The following ZNF274 variants were observed in gnomAD, a reference collection of about 807,000 sequenced individuals.
ZNF274 encodes neurotrophin receptor-interacting factor homolog.
In ZNF274, 23 loss-of-function variants were observed where a neutral mutation model predicts 42.5. That is an observed-to-expected ratio of 0.54 (90% CI 0.39 to 0.77). The LOEUF (loss-of-function observed/expected upper bound fraction) is 0.77. Among genes scored for constraint, ZNF274 ranks in the 30% least tolerant of loss-of-function variants. ZNF274 has a pLI of 0.00. For synonymous variants in ZNF274, 292 were observed against 305.4 expected, an observed-to-expected ratio of 0.96 and a Z score of 0.46; for missense variants, 679 against 806.5, an observed-to-expected ratio of 0.84 and a Z score of 1.91.
rs1224175660 is a variant in ZNF274, at chr19:58,212,399, G to C, written c.1218G>C (p.Gln406His). 1 of 1,613,094 alleles carries C rather than the reference G, an allele frequency of 6.2e-7. No individual in the cohort carries two copies. The highest frequency in any genetic ancestry group is 8.5e-7 in the Non-Finnish European group (1 of 1,179,468). Reference sequence around the variant, plus strand: ...AGCACTTTGACAACCGTGAGTCCCAGGCAAACAGTGGTGCTCTTGACACAA... The same window carrying C: ...AGCACTTTGACAACCGTGAGTCCCACGCAAACAGTGGTGCTCTTGACACAA... ...QKKHFDNRESQANSGALDTNQ... is the reference protein window; with the variant it reads ...QKKHFDNRESHANSGALDTNQ... Residue 406 changes from glutamine (Q) to histidine (H), a missense_variant, in exon 8 of 8, where the codon CAG (glutamine) becomes CAC (histidine). Gln to His is a conservative substitution (Grantham distance 24). Coordinates refer to ENST00000617501, the MANE Select transcript of ZNF274 (RefSeq NM_133502.3). This position sits in a 1 kb window ranked among gnomAD's most constrained non-coding sequence, Gnocchi z 4.6.
At chr19:58,186,657 G>A (rs1351368650) in intron 3 of ZNF274, among the ~76,000 whole-genome samples, 1 of 151,970 alleles carries the variant, frequency 6.6e-6, no homozygotes, top group Non-Finnish European at 1.5e-5. Context: ...GCAGAAACAA[G>A]GAGAAGGGGT....
chr19:58,208,593 AT>A lies in ZNF274; in HGVS notation c.740-1367del, dbSNP rs1355040714. 2.6e-5 allele frequency: 4 copies of A among 152,286 alleles called. No homozygotes were observed. The highest frequency in any genetic ancestry group is 5.9e-5 in the Non-Finnish European group (4 of 68,082). The allele number at this position is 152,286 out of a possible 1,614,324, so 9.4% of individuals were successfully genotyped here. On this transcript the variant is annotated intron_variant, in intron 5 of 7. Transcript: ENST00000617501. This position sits in a 1 kb window ranked among gnomAD's most constrained non-coding sequence, Gnocchi z 4.5. ...GGAGCAGCTGATAGAGGAAGAAGCCATAAGCCAAATGTTTGGGGCAGCCTCT... is the reference window on the plus strand; with the variant it reads ...GGAGCAGCTGATAGAGGAAGAAGCCAAAGCCAAATGTTTGGGGCAGCCTCT...
intron 2 of ZNF274, among the ~76,000 whole-genome samples, chr19:58,185,281 G>A (rs974631873): frequency 6.6e-5 from 10 of 151,440 alleles, no homozygotes; most frequent in South Asian, 2.1e-4. Context: ...AAAATTAGCC[G>A]GGCATGGTGG....
intron 4 of ZNF274, among the ~76,000 whole-genome samples, chr19:58,188,937 T>C (rs1435005409): frequency 6.6e-6 from 1 of 151,424 alleles, no homozygotes; most frequent in African/African-American, 2.4e-5. Flanking sequence ...CTGAAGTAAA[T>C]GACAACTCTT....
chr19:58,189,283 T>C (rs1173822500), intron 4 of ZNF274, among the ~76,000 whole-genome samples: 1 of 152,210 alleles, frequency 6.6e-6, no homozygotes, highest in Non-Finnish European at 1.5e-5. Flanking sequence ...TTAGATTCTG[T>C]ATCATATATA....
chr19:58,198,326 G>A (rs901955921), intron 4 of ZNF274, among the ~76,000 whole-genome samples: 2 of 152,168 alleles, frequency 1.3e-5, no homozygotes, highest in Non-Finnish European at 2.9e-5. Flanking sequence ...TACAAAGAAT[G>A]AGCAACCTCT....
Position 58,211,450 on chromosome 19 carries a change from G to A in ZNF274, c.853-110G>A. On this transcript the variant is annotated intron_variant, in intron 6 of 7. Transcript: ENST00000617501. The surrounding 1 kb of genome is among the most constrained non-coding windows in gnomAD (Gnocchi z 4.8). The stretch of plus-strand genomic sequence containing the variant: ...CTGAGCAAATCCCCAAAGCAGGAGA[G>A]TCCCTAGCACCGTGAGCTCTGTCAG... The A allele has an allele frequency of 7.3e-7, 1 of 1,373,450 alleles. No homozygotes were observed. The highest frequency in any genetic ancestry group is 9.7e-7 in the Non-Finnish European group (1 of 1,027,502). The allele number at this position is 1,373,450 out of a possible 1,614,324, so 85.1% of individuals were successfully genotyped here. A position where few individuals can be genotyped will look rare whatever the true frequency, so the allele number is the denominator to read the frequency against.
intron 4 of ZNF274, among the ~76,000 whole-genome samples, chr19:58,196,002 A>T (rs966021242): frequency 1.3e-5 from 2 of 152,222 alleles, no homozygotes; most frequent in South Asian, 2.1e-4. Flanking sequence ...GCTAGGACAA[A>T]TGGCATTCAT....
Position 58,213,411 on chromosome 19 carries a change from T to G in ZNF274, c.*268T>G, listed in dbSNP as rs947987970. The G allele has an allele frequency of 4.1e-4, 160 of 388,410 alleles. 1 individual carries two copies. Among genetic ancestry groups the G allele is most frequent in the Non-Finnish European group, 6.2e-4 (136 of 219,652 alleles). The allele number at this position is 388,410 out of a possible 1,614,324, so 24.1% of individuals were successfully genotyped here. ...ATTTAGTCATTAAAAGTGAGATTAA[T>G]AAAATCTGAAAATGTTATATAATAA... is the stretch of plus-strand genomic sequence containing the variant. On this transcript the variant is annotated 3_prime_UTR_variant, in exon 8 of 8. Coordinates refer to ENST00000617501, the MANE Select transcript of ZNF274 (RefSeq NM_133502.3).
In ZNF274 at chr19:58,212,649, C is replaced by T. The variant is rs780540675; in HGVS notation, c.1468C>T (p.Arg490Trp). The T allele has an allele frequency of 3.7e-5, 60 of 1,613,982 alleles. No individual in the cohort carries two copies. Among genetic ancestry groups the T allele is most frequent in the Non-Finnish European group, 4.6e-5 (54 of 1,179,896 alleles). The change falls in exon 8 of 8, where the codon CGG (arginine) becomes TGG (tryptophan). Residue 490 changes from arginine (R) to tryptophan (W), a missense_variant. By Grantham distance (101) the Arg-to-Trp change is moderately radical. This residue lies in a region of ZNF274 where 456 missense variants were observed against 590.1 expected (regional missense o/e 0.77). Coordinates refer to ENST00000617501, the MANE Select transcript of ZNF274 (RefSeq NM_133502.3). This position sits in a 1 kb window ranked among gnomAD's most constrained non-coding sequence, Gnocchi z 4.6. ...CAATGGTTGTAGGAAAACCTTCAGT[C>T]GGAGTACTAAACAGATTACGTTTAT... ...EGNGCRKTFSRSTKQITFIRI... is the reference protein window; with the variant it reads ...EGNGCRKTFSWSTKQITFIRI...
At chr19:58,198,807 C>CTTT (rs59644027) in intron 4 of ZNF274, among the ~76,000 whole-genome samples, 176 of 131,482 alleles carry the variant, frequency 1.3e-3, no homozygotes, top group South Asian at 6.2e-3. Context: ...TTAACTTTGA[C>CTTT]TTTTTTTTTT....
In ZNF274 at chr19:58,207,941, C is replaced by T. The variant is rs1372088123; in HGVS notation, c.739+739C>T. 1.3e-5 allele frequency among the ~76,000 whole-genome samples: 2 copies of T among 152,160 alleles called. No homozygotes were observed. The highest frequency in any genetic ancestry group is 2.9e-5 in the Non-Finnish European group (2 of 68,030). On this transcript the variant is annotated intron_variant, in intron 5 of 7. Transcript: ENST00000617501. The surrounding 1 kb of genome is among the most constrained non-coding windows in gnomAD (Gnocchi z 5.6). ...GGCTGCATGTGTGGTGGATGGTGGA[C>T]AGAGGATGGGGGCGAGGCTGGACAC...
Position 58,183,951 on chromosome 19 carries a change from G to T in ZNF274, c.-15G>T. On this transcript the variant is annotated 5_prime_UTR_variant, in exon 2 of 8. Coordinates refer to ENST00000617501, the MANE Select transcript of ZNF274 (RefSeq NM_133502.3). ...TGCCCACTTCCACCAGAGACACATT[G>T]AGAAGGAGGAAACTATGGCCTCCAG... 1 of 1,592,476 alleles carries T rather than the reference G, an allele frequency of 6.3e-7. No individual in the cohort carries two copies.
Position 58,211,494 on chromosome 19 carries a change from T to C in ZNF274, c.853-66T>C, listed in dbSNP as rs983955830. On this transcript the variant is annotated intron_variant, in intron 6 of 7. Transcript: ENST00000617501. The surrounding 1 kb of genome is among the most constrained non-coding windows in gnomAD (Gnocchi z 4.8). ...CTGTCAGAACCTCCCAGCTGGCCTT[T>C]CTTCTGCCCTCATTGACAACCCTCT... The C allele has an allele frequency of 3.5e-5, 53 of 1,532,318 alleles. No individual in the cohort carries two copies. The highest frequency in any genetic ancestry group is 4.5e-5 in the Non-Finnish European group (51 of 1,134,566). The allele number at this position is 1,532,318 out of a possible 1,614,324, so 94.9% of individuals were successfully genotyped here.
At chr19:58,192,510 G>A (rs964849367) in intron 4 of ZNF274, among the ~76,000 whole-genome samples, 2 of 152,164 alleles carry the variant, frequency 1.3e-5, no homozygotes, top group Non-Finnish European at 2.9e-5. Flanking sequence ...TATTTCATAC[G>A]TAAAGTCGGA....
rs2075707285 is a variant in ZNF274 at position 58,186,946 on chromosome 19, G to C, written c.161-1G>C. 1 of 1,613,092 alleles carries C rather than the reference G, an allele frequency of 6.2e-7. No individual in the cohort carries two copies. The highest frequency in any genetic ancestry group is 1.3e-5 in the African/African-American group (1 of 74,930). On this transcript the variant is annotated splice_acceptor_variant, in intron 3 of 7. Coordinates refer to ENST00000617501, the MANE Select transcript of ZNF274 (RefSeq NM_133502.3). LOFTEE classifies it high-confidence loss of function. Reference sequence around the variant, plus strand: ...AGCCCTGTCTCTTTTCCTTTGAGCAGAACATCAGCTTTCCAAACCAGATGT... The same window carrying C: ...AGCCCTGTCTCTTTTCCTTTGAGCACAACATCAGCTTTCCAAACCAGATGT...
intron 4 of ZNF274, among the ~76,000 whole-genome samples, chr19:58,201,792 G>A (rs112630877): frequency 0.071 from 10,806 of 152,230 alleles, 445 homozygotes; most frequent in South Asian, 0.13. Context: ...TGGGATTACA[G>A]GCATGAGTCA....
Position 58,213,321 on chromosome 19 carries a change from G to C in ZNF274, c.*178G>C. 1.5e-6 allele frequency: 1 copy of C among 654,742 alleles called. No homozygotes were observed. The allele number at this position is 654,742 out of a possible 1,614,324, so 40.6% of individuals were successfully genotyped here. ...ACATAATGAATAAATAAGAAAATGA[G>C]TGAGGAGTTATTAACATCATTTGGA... On this transcript the variant is annotated 3_prime_UTR_variant, in exon 8 of 8. Coordinates refer to ENST00000617501, the MANE Select transcript of ZNF274 (RefSeq NM_133502.3).
At chr19:58,194,573 G>A (rs1285543694) in intron 4 of ZNF274, among the ~76,000 whole-genome samples, 5 of 151,576 alleles carry the variant, frequency 3.3e-5, no homozygotes, top group Non-Finnish European at 7.4e-5. Flanking sequence ...TAGAGACAGG[G>A]TTTCACCATG....
Sources: gnomAD v4.1 joint callset for allele counts (sites outside exome capture counted in the v4.1 genomes callset) on GRCh38, gnomAD v4.1.1 for gene constraint, gnomAD v4.1.1 regional missense constraint, Gnocchi (gnomAD v3.1) non-coding constraint, MANE v1.5 for transcripts, NCBI Gene and HGNC (gene_info 2026-07-23, HGNC 2026-07-21) for gene names.